MAP4K4: variants seen among roughly 807,000 people sequenced by gnomAD.
MAP4K4 encodes mitogen-activated protein kinase kinase kinase kinase 4.
In MAP4K4, 38 loss-of-function variants were observed where a neutral mutation model predicts 189.6. The observed-to-expected ratio is 0.20, with a 90% confidence interval of 0.15 to 0.26. The LOEUF is 0.26. Among genes scored for constraint, MAP4K4 ranks in the 10% least tolerant of loss-of-function variants. The pLI, the probability that MAP4K4 is intolerant of heterozygous loss-of-function variation, is 1.00. For synonymous variants in MAP4K4, 610 were observed against 624.3 expected (o/e 0.98, Z 0.34); for missense variants, 1,054 against 1,726.9 (o/e 0.61, Z 6.91).
At chr2:101,767,565 C>T (rs777851468) in intron 2 of MAP4K4, among the ~76,000 whole-genome samples, 1 of 152,122 alleles carries the variant, frequency 6.6e-6, no homozygotes, top group Non-Finnish European at 1.5e-5. Flanking sequence ...GTGGCCTTGC[C>T]TTTTAACTCT....
rs553349777 is a variant in MAP4K4, at chr2:101,755,979, C to T, written c.124-34741C>T. On this transcript the variant is annotated intron_variant, in intron 2 of 32. Transcript: ENST00000324219. ...TTTTTGAGACAGCGTCTTGCCCTGT[C>T]GCCCAGGCTGGAGTGCAGTGGTGCG... Among the ~76,000 whole-genome samples, 290 of 128,960 alleles carry T rather than the reference C, an allele frequency of 2.2e-3. 2 individuals are homozygous for T. The highest frequency in any genetic ancestry group is 7.7e-3 in the African/African-American group (280 of 36,138). The allele number at this position is 128,960 out of a possible 152,430, so 84.6% of individuals were successfully genotyped here. A position where few individuals can be genotyped will look rare whatever the true frequency, so the allele number is the denominator to read the frequency against.
chr2:101,753,155 A>G (rs1005094645), intron 2 of MAP4K4, among the ~76,000 whole-genome samples: 4 of 152,206 alleles, frequency 2.6e-5, no homozygotes, highest in Admixed American at 2.0e-4. Flanking sequence ...TAGATGATGA[A>G]ACTGAAGCTT....
chr2:101,785,767 T>C (rs1575524442), intron 2 of MAP4K4, among the ~76,000 whole-genome samples: 10 of 13,466 alleles, frequency 7.4e-4, no homozygotes, highest in East Asian at 3.2e-3. Context: ...TCTCTCTCTC[T>C]CTCTCTCTCT....
chr2:101,883,811 C>T (rs944686434), intron 28 of MAP4K4, among the ~76,000 whole-genome samples: 3 of 152,108 alleles, frequency 2.0e-5, no homozygotes. Context: ...CTGCACCCCT[C>T]AGCTCGTGGG....
intron 30 of MAP4K4, 101 bp from the exon 31 acceptor site, chr2:101,887,677 G>A: frequency 1.3e-6 from 1 of 791,466 alleles, no homozygotes; most frequent in Middle Eastern, 3.8e-4. Flanking sequence ...TATCTTCAGA[G>A]ATATGGTACC....
At position 101,778,336 on chromosome 2, in the gene MAP4K4, C is replaced by T. The variant is rs148423491; in HGVS notation, c.124-12384C>T. Among the ~76,000 whole-genome samples, 1,012 of 152,300 alleles carry T rather than the reference C, an allele frequency of 6.6e-3. 12 individuals carry two copies. Among genetic ancestry groups the T allele is most frequent in the African/African-American group, 0.024 (979 of 41,548 alleles). On this transcript the variant is annotated intron_variant, in intron 2 of 32. Coordinates refer to ENST00000324219, the Ensembl canonical transcript of MAP4K4. Reference sequence around the variant, plus strand: ...TGATTCGTGTGTCCAGCACAGTGTGCGGGGTCCCCACCTAATCTCCAGGCA... The same window carrying T: ...TGATTCGTGTGTCCAGCACAGTGTGTGGGGTCCCCACCTAATCTCCAGGCA...
chr2:101,734,403 G>A (rs1246172508), intron 2 of MAP4K4, among the ~76,000 whole-genome samples: 2 of 152,188 alleles, frequency 1.3e-5, no homozygotes, highest in African/African-American at 2.4e-5. Context: ...TGTTATGACT[G>A]TTGTGCTGAG....
rs556826627 is a variant in MAP4K4 at position 101,860,133 on chromosome 2, A to G, written c.1704+269A>G. On this transcript the variant is annotated intron_variant, in intron 15 of 32. Transcript: ENST00000324219. ...AAACTGAACTAAACTAAAAGATTAC[A>G]TGACACAGTCACTCTTAAAAATGTG... 2.3e-5 allele frequency: 12 copies of G among 513,828 alleles called. No individual in the cohort carries two copies. In the South Asian group the frequency reaches 2.6e-4, roughly 11 times the overall value. 31.8% of individuals were successfully genotyped at this position (513,828 alleles called of 1,614,324 possible).
intron 3 of MAP4K4, among the ~76,000 whole-genome samples, chr2:101,793,208 A>G (rs570918584): frequency 7.2e-5 from 11 of 152,350 alleles, no homozygotes; most frequent in Non-Finnish European, 1.2e-4. Flanking sequence ...TGAGTCCTCA[A>G]ATAAGTATTA....
chr2:101,865,360 G>T (rs1350357419), intron 18 of MAP4K4, among the ~76,000 whole-genome samples: 1 of 152,126 alleles, frequency 6.6e-6, no homozygotes, highest in African/African-American at 2.4e-5. Context: ...TCATCTAAGG[G>T]ATGTTGTAAG....
At chr2:101,838,666 C>T (rs2096833905) in intron 9 of MAP4K4, among the ~76,000 whole-genome samples, 1 of 152,144 alleles carries the variant, frequency 6.6e-6, no homozygotes, top group Non-Finnish European at 1.5e-5. Flanking sequence ...CTAAATTTCT[C>T]CACTTTATTT....
intron 2 of MAP4K4, among the ~76,000 whole-genome samples, chr2:101,765,301 G>A (rs2078141608): frequency 6.6e-6 from 1 of 152,168 alleles, no homozygotes; most frequent in African/African-American, 2.4e-5. Context: ...TGTGCTAATG[G>A]CATGTGATAA....
chr2:101,811,495 G>C (rs1222679674), intron 3 of MAP4K4, among the ~76,000 whole-genome samples: 1 of 151,726 alleles, frequency 6.6e-6, no homozygotes, highest in African/African-American at 2.4e-5. Context: ...GCTCTACCCA[G>C]GTTTGTTGGC....
exon 33 of MAP4K4, chr2:101,891,335 G>T (rs748220262): frequency 3.5e-6 from 4 of 1,134,438 alleles, no homozygotes; most frequent in African/African-American, 1.5e-5. Context: ...GCTCGGAGCT[G>T]CACCGAGGGC....
At chr2:101,823,423 A>G (rs1265890211) in intron 3 of MAP4K4, among the ~76,000 whole-genome samples, 1 of 152,168 alleles carries the variant, frequency 6.6e-6, no homozygotes, top group Non-Finnish European at 1.5e-5. Flanking sequence ...GCCTGCGTTC[A>G]TGTATTCAGT....
chr2:101,855,884 G>T, intron 12 of MAP4K4, 93 bp from the exon 13 acceptor site: 1 of 1,261,540 alleles, frequency 7.9e-7, no homozygotes, highest in South Asian at 1.6e-5. Flanking sequence ...CACCTCATTA[G>T]TGTCCACCTG....
At chr2:101,718,083 C>A (rs1316979437) in intron 2 of MAP4K4, among the ~76,000 whole-genome samples, 1 of 151,920 alleles carries the variant, frequency 6.6e-6, no homozygotes, top group East Asian at 1.9e-4. Context: ...ATGGAGAAAC[C>A]CCATCTCTAC....
At chr2:101,827,337 G>A (rs757738873) in intron 5 of MAP4K4, among the ~76,000 whole-genome samples, 2 of 152,088 alleles carry the variant, frequency 1.3e-5, no homozygotes, top group Admixed American at 6.6e-5. Context: ...CTAAAAACAA[G>A]CAAATGCCTC....
chr2:101,718,561 AGGTGGGGGTGGGGG>A (rs1186620314), intron 2 of MAP4K4, among the ~76,000 whole-genome samples: 1 of 48,310 alleles, frequency 2.1e-5, no homozygotes, highest in African/African-American at 8.0e-5. Context: ...GACAGTGGGA[AGGTGGGGGTGGGGG>A]GGTGGGGGGG....
Sources: gnomAD v4.1 joint callset for allele counts (sites outside exome capture counted in the v4.1 genomes callset) on GRCh38, gnomAD v4.1.1 for gene constraint, MANE v1.5 for transcripts, NCBI Gene and HGNC (gene_info 2026-07-23, HGNC 2026-07-21) for gene names.